The following HPS3 variants were observed in gnomAD, a reference collection of about 807,000 sequenced individuals.
HPS3 encodes the protein HPS3 biogenesis of lysosomal organelles complex 2 subunit 1.
In HPS3, 79 loss-of-function variants were observed where a neutral mutation model predicts 110.9. The observed-to-expected ratio is 0.71, with a 90% CI of 0.59 to 0.86. HPS3 has a LOEUF of 0.86. HPS3 is among the 40% of genes least tolerant of loss of function. HPS3 has a pLI of 0.00. For synonymous variants in HPS3, 428 were observed against 451.0 expected, an observed-to-expected ratio of 0.95 and a Z score of 0.65; for missense variants, 1,197 against 1,206.2, an observed-to-expected ratio of 0.99 and a Z score of 0.11.
intron 1 of HPS3, among the ~76,000 whole-genome samples, chr3:149,133,745 A>AT (rs945588935): frequency 3.9e-5 from 6 of 151,972 alleles, no homozygotes; most frequent in African/African-American, 9.7e-5. Flanking sequence ...GATCGTTAGC[A>AT]TTTTTTTTAG....
intron 1 of HPS3, among the ~76,000 whole-genome samples, chr3:149,133,549 T>C (rs1464271339): frequency 6.6e-6 from 1 of 152,118 alleles, no homozygotes; most frequent in African/African-American, 2.4e-5. Flanking sequence ...TCCACCCGCC[T>C]TGGCCTCACA....
At chr3:149,138,175 A>G (rs904050153) in intron 1 of HPS3, among the ~76,000 whole-genome samples, 7 of 152,158 alleles carry the variant, frequency 4.6e-5, no homozygotes, top group African/African-American at 1.7e-4. Flanking sequence ...TGGCATAAAA[A>G]GAACCATCAT....
chr3:149,150,193 G>T (rs553852558), intron 5 of HPS3, among the ~76,000 whole-genome samples: 1 of 152,286 alleles, frequency 6.6e-6, no homozygotes, highest in East Asian at 1.9e-4. Flanking sequence ...GTTAAGAAAT[G>T]GATTTTACTC....
chr3:149,129,999 C>T, intron 1 of HPS3, 59 bp downstream of exon 1: 2 of 1,438,924 alleles, frequency 1.4e-6, no homozygotes, highest in South Asian at 2.4e-5. Flanking sequence ...TCCTAGCTAG[C>T]GGACCGAACG....
intron 4 of HPS3, 81 bp downstream of exon 4, chr3:149,141,461 G>A (rs1722450112): frequency 6.3e-6 from 7 of 1,119,296 alleles, no homozygotes; most frequent in African/African-American, 6.2e-5. Context: ...ACCCATGTGG[G>A]TAATAGGTTT....
Position 149,157,503 on chromosome 3 carries a change from T to A in HPS3, c.1663T>A (p.Cys555Ser), listed in dbSNP as rs1182300500. ...GCTTTTGGAAGCATTTAAGGAAAGCTGTGGGCACCTTGGGGACTGTTACAG... is the reference window on the plus strand; with the variant it reads ...GCTTTTGGAAGCATTTAAGGAAAGCAGTGGGCACCTTGGGGACTGTTACAG... ...AELLEAFKES[C>S]GHLGDCYSRL... The change falls in exon 9 of 17, where the codon TGT becomes AGT. Residue 555 changes from cysteine (C) to serine (S), a missense_variant. Coordinates refer to ENST00000296051, the MANE Select transcript of HPS3 (RefSeq NM_032383.5). The A allele has an allele frequency of 6.2e-7, 1 of 1,613,862 alleles. No homozygotes were observed. Among genetic ancestry groups the A allele is most frequent in the East Asian group, 2.2e-5 (1 of 44,878 alleles).
intron 1 of HPS3, among the ~76,000 whole-genome samples, chr3:149,130,625 C>G (rs139580518): frequency 6.6e-6 from 1 of 152,072 alleles, no homozygotes. Flanking sequence ...ACTAAAAATA[C>G]AAAAATTAGC....
In HPS3 at chr3:149,141,129, G is replaced by A. The variant is rs1418054119; in HGVS notation, c.825G>A (p.Glu275=). The change falls in exon 3 of 17, where the codon GAG becomes GAA. Residue 275 remains glutamate, a synonymous_variant. Coordinates refer to ENST00000296051, the MANE Select transcript of HPS3 (RefSeq NM_032383.5). The part of the protein sequence containing the change: ...SEQSGLSVTL[E]STGLADEKRK... ...AGTCTGGATTATCTGTTACACTGGA[G>A]TCTACGGGATTAGCTGATGAAAAAA... The A allele has an allele frequency of 6.8e-6, 11 of 1,612,876 alleles. No homozygotes were observed. The highest frequency in any genetic ancestry group is 9.3e-6 in the Non-Finnish European group (11 of 1,179,850).
intron 7 of HPS3, among the ~76,000 whole-genome samples, chr3:149,154,383 G>T (rs534010344): frequency 6.6e-6 from 1 of 152,278 alleles, no homozygotes; most frequent in Admixed American, 6.5e-5. Context: ...TAGTGGCTGT[G>T]CTTTGTTGCA....
chr3:149,133,172 C>T (rs1721874257), intron 1 of HPS3, among the ~76,000 whole-genome samples: 1 of 152,190 alleles, frequency 6.6e-6, no homozygotes. Flanking sequence ...AGATTAACTC[C>T]AATTTTGAAG....
chr3:149,158,693 C>T lies in HPS3; in HGVS notation c.1719C>T (p.Thr573=), dbSNP rs1723604675. ...SRLDSQHSHL[T]LPYYKMSGLS... ...TTGACTCCCAGCATTCTCATCTCAC[C>T]TTGCCATACTATAAGATGTCTGGTT... The change falls in exon 10 of 17, where the codon ACC becomes ACT. Residue 573 remains threonine, a synonymous_variant. Transcript: ENST00000296051. 1 of 1,613,610 alleles carries T rather than the reference C, an allele frequency of 6.2e-7. No individual in the cohort carries two copies. The highest frequency in any genetic ancestry group is 1.3e-5 in the African/African-American group (1 of 74,856).
chr3:149,162,411 G>A, intron 12 of HPS3, 78 bp downstream of exon 12: 1 of 1,331,640 alleles, frequency 7.5e-7, no homozygotes, highest in Non-Finnish European at 1.1e-6. Context: ...TAAGAGAAGT[G>A]AGTTTTTCAT....
At chr3:149,132,378 G>A (rs1721832614) in intron 1 of HPS3, among the ~76,000 whole-genome samples, 1 of 152,168 alleles carries the variant, frequency 6.6e-6, no homozygotes, top group Non-Finnish European at 1.5e-5. Flanking sequence ...GAAAATCATA[G>A]GGCCCTTTTA....
chr3:149,134,584 A>G (rs565915863), intron 1 of HPS3, among the ~76,000 whole-genome samples: 9 of 152,302 alleles, frequency 5.9e-5, no homozygotes, highest in African/African-American at 1.9e-4. Flanking sequence ...AAAAATCTCT[A>G]TGCCTGGGCC....
At chr3:149,158,973 A>T in intron 10 of HPS3, 127 bp downstream of exon 10, 1 of 674,198 alleles carries the variant, frequency 1.5e-6, no homozygotes, top group East Asian at 2.8e-5. Context: ...TTTCTAAAAA[A>T]GTAATGTGAC....
At chr3:149,162,574 C>T in intron 12 of HPS3, 116 bp from the exon 13 acceptor site, 1 of 1,189,366 alleles carries the variant, frequency 8.4e-7, no homozygotes, top group Non-Finnish European at 1.3e-6. Flanking sequence ...GGCGCTAATG[C>T]TAATGGTAAA....
intron 7 of HPS3, chr3:149,154,062 TCTTAC>T: frequency 4.9e-6 from 1 of 205,128 alleles, no homozygotes; most frequent in South Asian, 8.1e-5. Flanking sequence ...ATAATGTATG[TCTTAC>T]CTTAAAGCAC....
intron 1 of HPS3, 26 bp downstream of exon 1, chr3:149,129,966 C>T: frequency 6.5e-7 from 1 of 1,530,410 alleles, no homozygotes; most frequent in Non-Finnish European, 8.8e-7. Flanking sequence ...AGCCAGGGGC[C>T]GCCTGGGGTC....
intron 14 of HPS3, chr3:149,166,185 A>G (rs186508141): frequency 2.0e-4 from 72 of 352,210 alleles, no homozygotes; most frequent in African/African-American, 1.4e-3. Context: ...CTTGAAGTAA[A>G]TATTGGTAAA....
Sources: allele counts gnomAD v4.1 joint callset (sites outside exome capture counted in the v4.1 genomes callset), GRCh38; gene constraint gnomAD v4.1.1; transcripts MANE v1.5; gene names NCBI Gene and HGNC (gene_info 2026-07-23, HGNC 2026-07-21).